The following MAEA variants were observed in gnomAD, a reference collection of about 807,000 sequenced individuals.
MAEA encodes the protein E3 ubiquitin-protein transferase MAEA.
Under a neutral mutation model 46.2 loss-of-function variants are expected in MAEA, and 22 were observed. The ratio of observed to expected loss-of-function variants is 0.48; its 90% CI spans 0.34 to 0.68. MAEA has a LOEUF of 0.68. MAEA is among the 30% of genes least tolerant of loss of function. The pLI is 0.01. For missense variants in MAEA, 393 were observed against 558.1 expected (o/e 0.70, Z 2.98); for synonymous variants, 246 against 222.6 (o/e 1.11, Z -0.94).
intron 1 of MAEA, among the ~76,000 whole-genome samples, chr4:1,294,304 C>T (rs1734409808): frequency 6.6e-6 from 1 of 152,236 alleles, no homozygotes; most frequent in Admixed American, 6.5e-5. Flanking sequence ...GTCTTCCCTC[C>T]CAGGCCTGGG....
intron 1 of MAEA, among the ~76,000 whole-genome samples, chr4:1,306,242 G>T (rs879800466): frequency 6.6e-6 from 1 of 152,202 alleles, no homozygotes. Context: ...TTCCGCTGTG[G>T]TCTAATTTGC....
Position 1,312,260 on chromosome 4 carries a change from G to A in MAEA, c.252+99G>A, listed in dbSNP as rs771233617. ...ACAGGCAAGCTGCAATGATGGGAACGCGGGAGGTGCGGTTGGGGGCCCCCT... is the reference window on the plus strand; with the variant it reads ...ACAGGCAAGCTGCAATGATGGGAACACGGGAGGTGCGGTTGGGGGCCCCCT... On this transcript the variant is annotated intron_variant, in intron 2 of 8. Transcript: ENST00000303400. The A allele has an allele frequency of 1.7e-5, 25 of 1,436,734 alleles. No homozygotes were observed. The East Asian group carries it at 4.7e-4, about 27-fold the overall frequency. The allele number at this position is 1,436,734 out of a possible 1,614,324, so 89.0% of individuals were successfully genotyped here.
intron 7 of MAEA, 58 bp from the exon 8 acceptor site, chr4:1,338,364 C>G: frequency 1.4e-6 from 2 of 1,440,444 alleles, no homozygotes. Context: ...CCACAGGGGG[C>G]TGGGCTCACC....
At chr4:1,315,631 C>T (rs1355100032) in intron 3 of MAEA, 31 bp downstream of exon 3, 8 of 1,607,848 alleles carry the variant, frequency 5.0e-6, no homozygotes, top group African/African-American at 1.3e-5. Context: ...GGCACAGCGC[C>T]CCAGCTGGCC....
intron 1 of MAEA, chr4:1,309,803 G>C (rs1736252187): frequency 7.1e-7 from 1 of 1,406,156 alleles, no homozygotes; most frequent in Non-Finnish European, 9.3e-7. Context: ...TGGGAGCAAA[G>C]GGTTCCTGTC....
chr4:1,309,779 CT>C, intron 1 of MAEA: 12 of 1,447,658 alleles, frequency 8.3e-6, no homozygotes, highest in South Asian at 2.7e-5. Context: ...TGGGCAGGGC[CT>C]TTTCCCTTGC....
chr4:1,308,215 T>C (rs1343728404), intron 1 of MAEA, among the ~76,000 whole-genome samples: 1 of 151,928 alleles, frequency 6.6e-6, no homozygotes. Context: ...CGGTGGTGTT[T>C]TGCATGGAAC....
chr4:1,321,873 G>GTTTTTTTTTTT (rs4045167), intron 3 of MAEA, among the ~76,000 whole-genome samples: 4 of 140,438 alleles, frequency 2.8e-5, no homozygotes, highest in East Asian at 2.1e-4. Context: ...TTTTTTTGTT[G>GTTTTTTTTTTT]TTTTTTTTTT....
At chr4:1,312,414 G>A in intron 2 of MAEA, 1 of 448,358 alleles carries the variant, frequency 2.2e-6, no homozygotes, top group African/African-American at 2.4e-5. Context: ...ATGTATAGCA[G>A]GTTGATTGAT....
chr4:1,315,135 G>A lies in MAEA; in HGVS notation c.253-262G>A, dbSNP rs187963989. ...TGAAATTGTATGCATCTGGCAACAT[G>A]GCTTCAGGGTATATTAATATAAAGC... On this transcript the variant is annotated intron_variant, in intron 2 of 8. Coordinates refer to ENST00000303400, the MANE Select transcript of MAEA (RefSeq NM_001017405.3). 8.5e-4 allele frequency among the ~76,000 whole-genome samples: 129 copies of A among 152,340 alleles called. 2 individuals carry two copies. Among genetic ancestry groups the A allele is most frequent in the East Asian group, 6.2e-3 (32 of 5,196 alleles).
chr4:1,312,170 C>T lies in MAEA; in HGVS notation c.252+9C>T, dbSNP rs747498308. On this transcript the variant is annotated intron_variant, in intron 2 of 8. Transcript: ENST00000303400. ...GCGTCCTCAAGAGGAAGGTTGGTCCCGCCTGGCGGTCCCTCTTCAGTCTGG... is the reference window on the plus strand; with the variant it reads ...GCGTCCTCAAGAGGAAGGTTGGTCCTGCCTGGCGGTCCCTCTTCAGTCTGG... 9.0e-5 allele frequency: 145 copies of T among 1,613,584 alleles called. No homozygotes were observed. Among genetic ancestry groups the T allele is most frequent in the Middle Eastern group, 1.6e-4 (1 of 6,076 alleles).
chr4:1,312,835 AC>A (rs1339980015), intron 2 of MAEA, among the ~76,000 whole-genome samples: 1 of 152,178 alleles, frequency 6.6e-6, no homozygotes, highest in Non-Finnish European at 1.5e-5. Context: ...CACTGAAGAC[AC>A]CCAGAAAGTG....
At chr4:1,336,407 A>G (rs1712769709) in intron 6 of MAEA, among the ~76,000 whole-genome samples, 1 of 149,690 alleles carries the variant, frequency 6.7e-6, no homozygotes. Context: ...ACCCCACAGC[A>G]TGTTGAAATC....
chr4:1,327,957 G>A (rs1014934319), intron 5 of MAEA, among the ~76,000 whole-genome samples: 1 of 152,226 alleles, frequency 6.6e-6, no homozygotes, highest in Non-Finnish European at 1.5e-5. Context: ...CCCCGTGGCT[G>A]CCAGGGGAAC....
chr4:1,338,393 C>T (rs774468111), intron 7 of MAEA, 29 bp from the exon 8 acceptor site: 2 of 1,589,952 alleles, frequency 1.3e-6, no homozygotes, highest in Non-Finnish European at 8.6e-7. Flanking sequence ...CCTGAGTGGC[C>T]CCCAACCCTT....
chr4:1,297,050 C>T (rs1734801393), intron 1 of MAEA, among the ~76,000 whole-genome samples: 1 of 152,228 alleles, frequency 6.6e-6, no homozygotes. Context: ...CCTCCCGGAG[C>T]TCTCTTCGCA....
intron 4 of MAEA, among the ~76,000 whole-genome samples, chr4:1,326,768 G>A (rs1019653080): frequency 3.3e-5 from 5 of 152,178 alleles, no homozygotes; most frequent in African/African-American, 1.2e-4. Flanking sequence ...AGTGTCCCCT[G>A]GGCCAGGCCT....
At chr4:1,330,972 T>G (rs1159443486) in intron 5 of MAEA, 1 of 152,094 alleles carries the variant, frequency 6.6e-6, no homozygotes, top group Non-Finnish European at 1.5e-5. Context: ...GTAAACCAGG[T>G]CATGCAAATG....
intron 3 of MAEA, 76 bp downstream of exon 3, chr4:1,315,676 C>T (rs978251315): frequency 5.6e-6 from 8 of 1,425,328 alleles, no homozygotes; most frequent in Non-Finnish European, 7.8e-6. Flanking sequence ...TGGCATGTCC[C>T]CCGGCATGCC....
Sources: allele counts gnomAD v4.1 joint callset (sites outside exome capture counted in the v4.1 genomes callset), GRCh38; gene constraint gnomAD v4.1.1; transcripts MANE v1.5; gene names NCBI Gene and HGNC (gene_info 2026-07-23, HGNC 2026-07-21).